Variants in NT5M observed in about 807,000 individuals in gnomAD.
NT5M encodes 5'(3')-deoxyribonucleotidase, mitochondrial.
A neutral mutation model predicts 22.2 loss-of-function variants in NT5M; 22 were observed. The ratio of observed to expected loss-of-function variants is 0.99; its 90% CI spans 0.71 to 1.41. NT5M has a LOEUF of 1.41. Among genes scored for constraint, NT5M ranks in the 40% most tolerant of loss-of-function variants. NT5M has a pLI of 0.00. For missense variants in NT5M, 322 were observed against 314.8 expected (o/e 1.02, Z -0.17); for synonymous variants, 167 against 133.0 (o/e 1.26, Z -1.76).
intron 3 of NT5M, among the ~76,000 whole-genome samples, chr17:17,329,227 C>T (rs937794289): frequency 5.9e-5 from 9 of 152,210 alleles, no homozygotes; most frequent in Middle Eastern, 3.2e-3. Flanking sequence ...ATCTGCCCGC[C>T]TCGGCCTCCC....
intron 2 of NT5M, among the ~76,000 whole-genome samples, chr17:17,318,891 C>G (rs2049092842): frequency 6.6e-6 from 1 of 150,936 alleles, no homozygotes. Flanking sequence ...ACACAGAAGG[C>G]CACGTATTGT....
intron 2 of NT5M, among the ~76,000 whole-genome samples, chr17:17,307,892 TACAA>T (rs569293032): frequency 3.5e-4 from 53 of 151,196 alleles, no homozygotes; most frequent in African/African-American, 1.3e-3. Context: ...CTACTAAAAA[TACAA>T]ACAATTAGCT....
intron 3 of NT5M, among the ~76,000 whole-genome samples, chr17:17,330,043 G>A (rs1264396306): frequency 6.6e-6 from 1 of 152,160 alleles, no homozygotes; most frequent in East Asian, 1.9e-4. Flanking sequence ...GCTCACGCCT[G>A]TAATCCCAGC....
rs1164338867 is a variant in NT5M at position 17,347,319 on chromosome 17, C to G, written c.*372C>G. The G allele has an allele frequency of 4.7e-6, 1 of 210,782 alleles. No homozygotes were observed. Among genetic ancestry groups the G allele is most frequent in the Non-Finnish European group, 9.5e-6 (1 of 105,820 alleles). The allele number at this position is 210,782 out of a possible 1,614,324, so 13.1% of individuals were successfully genotyped here. On this transcript the variant is annotated 3_prime_UTR_variant, in exon 5 of 5. Coordinates refer to ENST00000389022, the MANE Select transcript of NT5M (RefSeq NM_020201.4). The stretch of plus-strand genomic sequence containing the variant: ...TGAGGCAGAAGGGGGTTCCCTGTTC[C>G]CAGAGTCTGCAGCCATCAGCAAGGA...
chr17:17,329,200 G>A (rs909189927), intron 3 of NT5M, among the ~76,000 whole-genome samples: 1 of 152,082 alleles, frequency 6.6e-6, no homozygotes, highest in Non-Finnish European at 1.5e-5. Context: ...GGATGGTCTC[G>A]ATCTCCTGAC....
At chr17:17,326,605 C>T (rs926098746) in intron 3 of NT5M, among the ~76,000 whole-genome samples, 1 of 152,236 alleles carries the variant, frequency 6.6e-6, no homozygotes, top group Admixed American at 6.5e-5. Flanking sequence ...CTGAAGCGCC[C>T]TTTCTCCATC....
intron 2 of NT5M, among the ~76,000 whole-genome samples, chr17:17,317,547 A>C (rs1315552007): frequency 1.3e-5 from 2 of 152,232 alleles, no homozygotes; most frequent in Non-Finnish European, 2.9e-5. Context: ...AGGGCAACAG[A>C]AGGCCGGAAG....
At chr17:17,339,593 A>G (rs1385200042) in intron 3 of NT5M, among the ~76,000 whole-genome samples, 1 of 152,118 alleles carries the variant, frequency 6.6e-6, no homozygotes, top group Non-Finnish European at 1.5e-5. Flanking sequence ...ATTCAGTATG[A>G]TACTAGCCAT....
At chr17:17,346,671 C>T (rs767507551) in intron 4 of NT5M, 134 bp from the exon 5 acceptor site, 21 of 1,010,196 alleles carry the variant, frequency 2.1e-5, no homozygotes, top group South Asian at 3.1e-5. Context: ...GGCGGGTGTG[C>T]GTGCAGTCAC....
intron 2 of NT5M, among the ~76,000 whole-genome samples, chr17:17,314,698 C>T (rs1190925258): frequency 6.6e-6 from 1 of 152,196 alleles, no homozygotes; most frequent in Non-Finnish European, 1.5e-5. Flanking sequence ...TTCCTCTGCT[C>T]CTGTCACGCT....
rs1597732107 is a variant in NT5M at position 17,303,420 on chromosome 17, G to A, written c.-131G>A. On this transcript the variant is annotated 5_prime_UTR_variant, in exon 1 of 5. Coordinates refer to ENST00000389022, the MANE Select transcript of NT5M (RefSeq NM_020201.4). ...GCCCGCACCCCGCGCTCCCCGCCCC[G>A]CTCCCCGTCCCGCGCTCCACGCGCG... 1 of 980,402 alleles carries A rather than the reference G, an allele frequency of 1.0e-6. No individual in the cohort carries two copies. The highest frequency in any genetic ancestry group is 4.8e-5 in the South Asian group (1 of 21,050). 60.7% of individuals were successfully genotyped at this position (980,402 alleles called of 1,614,324 possible).
rs2048806245 is a variant in NT5M, at chr17:17,306,609, G to A, written c.334G>A (p.Val112Met). 4 of 1,613,930 alleles carry A rather than the reference G, an allele frequency of 2.5e-6. No individual in the cohort carries two copies. Among genetic ancestry groups the A allele is most frequent in the East Asian group, 2.2e-5 (1 of 44,878 alleles). ...FFELEPLPGA[V>M]EAVKEMASLQ... ...TGAACTTGAGCCTCTGCCAGGGGCC[G>A]TGGAAGCTGTCAAGGAGATGGCCAG... The change falls in exon 2 of 5, where the codon GTG (valine) becomes ATG (methionine). Residue 112 changes from valine (V) to methionine (M), a missense_variant. By Grantham distance (21) the Val-to-Met change is conservative. Transcript: ENST00000389022.
At position 17,346,894 on chromosome 17, in the gene NT5M, C is replaced by T. The variant is rs1426485401; in HGVS notation, c.634C>T (p.His212Tyr). ...LQLQPPRRRL[H>Y]SWADDWKAIL... is the part of the protein sequence containing the mutation. ...GCTGCAGCCCCCCCGCCGCAGGCTGCACTCGTGGGCGGACGACTGGAAGGC... is the reference window on the plus strand; with the variant it reads ...GCTGCAGCCCCCCCGCCGCAGGCTGTACTCGTGGGCGGACGACTGGAAGGC... Residue 212 changes from histidine (H) to tyrosine (Y), a missense_variant, in exon 5 of 5, where the codon CAC (histidine) becomes TAC (tyrosine). Coordinates refer to ENST00000389022, the MANE Select transcript of NT5M (RefSeq NM_020201.4). The T allele has an allele frequency of 6.2e-7, 1 of 1,611,008 alleles. No individual in the cohort carries two copies. Among genetic ancestry groups the T allele is most frequent in the Non-Finnish European group, 8.5e-7 (1 of 1,179,944 alleles).
At position 17,303,416 on chromosome 17, in the gene NT5M, C is replaced by A. The variant is rs1241165179; in HGVS notation, c.-135C>A. ...GCGCGCCCGCACCCCGCGCTCCCCGCCCCGCTCCCCGTCCCGCGCTCCACG... is the reference window on the plus strand; with the variant it reads ...GCGCGCCCGCACCCCGCGCTCCCCGACCCGCTCCCCGTCCCGCGCTCCACG... On this transcript the variant is annotated 5_prime_UTR_variant, in exon 1 of 5. Transcript: ENST00000389022. 4 of 976,366 alleles carry A rather than the reference C, an allele frequency of 4.1e-6. No individual in the cohort carries two copies. The highest frequency in any genetic ancestry group is 4.8e-5 in the South Asian group (1 of 21,020). 60.5% of individuals were successfully genotyped at this position (976,366 alleles called of 1,614,324 possible).
chr17:17,335,017 C>G (rs1276032531), intron 3 of NT5M, among the ~76,000 whole-genome samples: 1 of 151,954 alleles, frequency 6.6e-6, no homozygotes, highest in East Asian at 1.9e-4. Flanking sequence ...TAGGCCACCT[C>G]TACCTTCTCT....
intron 1 of NT5M, 129 bp downstream of exon 1, chr17:17,303,946 T>TGG: frequency 7.0e-6 from 9 of 1,282,046 alleles, no homozygotes; most frequent in South Asian, 2.4e-5. Context: ...GAATAGGGTC[T>TGG]GGGGGGGACT....
Position 17,347,098 on chromosome 17 carries a change from G to C in NT5M, c.*151G>C. On this transcript the variant is annotated 3_prime_UTR_variant, in exon 5 of 5. Transcript: ENST00000389022. ...CATGTCCCTTCCCTTCCCCAGCCCT[G>C]CCAGGCCTTAACCTGATCACGGGGC... 1.9e-6 allele frequency: 2 copies of C among 1,033,182 alleles called. No individual in the cohort carries two copies. Among genetic ancestry groups the C allele is most frequent in the East Asian group, 2.6e-5 (1 of 38,180 alleles). 64.0% of individuals were successfully genotyped at this position (1,033,182 alleles called of 1,614,324 possible).
At chr17:17,346,535 G>A (rs2049761935) in intron 4 of NT5M, among the ~76,000 whole-genome samples, 1 of 152,200 alleles carries the variant, frequency 6.6e-6, no homozygotes, top group South Asian at 2.1e-4. Flanking sequence ...AGGAGGCGGG[G>A]CACATGTCCC....
chr17:17,331,585 CTTTA>C (rs1399628661), intron 3 of NT5M, among the ~76,000 whole-genome samples: 1 of 151,244 alleles, frequency 6.6e-6, no homozygotes, highest in African/African-American at 2.5e-5. Context: ...TGCATGATCC[CTTTA>C]TTTATTTATG....
Sources: allele counts gnomAD v4.1 joint callset (sites outside exome capture counted in the v4.1 genomes callset), GRCh38; gene constraint gnomAD v4.1.1; transcripts MANE v1.5; gene names NCBI Gene and HGNC (gene_info 2026-07-23, HGNC 2026-07-21).